Variants in FBN1 observed in about 807,000 individuals in gnomAD.
The protein encoded by FBN1 is fibrillin 1.
In FBN1, 29 loss-of-function variants were observed where a neutral mutation model predicts 365.1. The ratio of observed to expected loss-of-function variants is 0.08; its 90% CI spans 0.06 to 0.11. FBN1 has a LOEUF of 0.11. Among genes scored for constraint, FBN1 ranks in the 10% least tolerant of loss-of-function variants. The probability of loss-of-function intolerance (pLI) is 1.00; values close to 1 mark genes in which losing one functional copy is unlikely to be tolerated. For synonymous variants in FBN1, 1,210 were observed against 1,270.5 expected (o/e 0.95, Z 1.01); for missense variants, 2,476 against 3,703.2 (o/e 0.67, Z 8.60).
intron 32 of FBN1, among the ~76,000 whole-genome samples, chr15:48,479,196 C>T (rs2043448163): frequency 6.6e-6 from 1 of 152,172 alleles, no homozygotes; most frequent in African/African-American, 2.4e-5. Flanking sequence ...AAACTAAAAG[C>T]AGCTAAAAGA....
intron 60 of FBN1, among the ~76,000 whole-genome samples, chr15:48,422,900 C>G (rs2042954027): frequency 6.6e-6 from 1 of 152,080 alleles, no homozygotes; most frequent in African/African-American, 2.4e-5. Context: ...GCACTCCAGC[C>G]TGGGCAACAG....
Position 48,494,939 on chromosome 15 carries a change from T to C in FBN1, c.2677+184A>G, listed in dbSNP as rs527471580. On this transcript the variant is annotated intron_variant, in intron 22 of 65. Transcript: ENST00000316623. ...ATTACAATGTGAAGATAGAAAATAA[T>C]AAATGAACAAAATCACATAAAATTT... 5.3e-5 allele frequency among the ~76,000 whole-genome samples: 8 copies of C among 152,246 alleles called. 1 individual carries two copies. In the South Asian group the frequency reaches 1.7e-3, roughly 32 times the overall value.
rs372098135 is a variant in FBN1, at chr15:48,510,854, G to C, written c.1589-685C>G. Among the ~76,000 whole-genome samples, 23 of 152,262 alleles carry C rather than the reference G, an allele frequency of 1.5e-4. 1 individual carries two copies. The highest frequency in any genetic ancestry group is 5.5e-4 in the African/African-American group (23 of 41,546). Reference sequence around the variant, plus strand: ...AAAATAACAATAACTGAAACAACCTGTATCTGATTTCTCCCTTAAATATTA... The same window carrying C: ...AAAATAACAATAACTGAAACAACCTCTATCTGATTTCTCCCTTAAATATTA... On this transcript the variant is annotated intron_variant, in intron 13 of 65. Coordinates refer to ENST00000316623, the MANE Select transcript of FBN1 (RefSeq NM_000138.5).
At chr15:48,629,122 G>A (rs1889938713) in intron 2 of FBN1, among the ~76,000 whole-genome samples, 1 of 152,210 alleles carries the variant, frequency 6.6e-6, no homozygotes, top group Non-Finnish European at 1.5e-5. Context: ...TTGAGATAAG[G>A]AGTTTAAGCT....
intron 4 of FBN1, among the ~76,000 whole-genome samples, chr15:48,610,132 C>G (rs537393794): frequency 2.0e-5 from 3 of 152,034 alleles, no homozygotes; most frequent in Non-Finnish European, 4.4e-5. Flanking sequence ...CTTGCCCAAA[C>G]CCCCAAAAGA....
intron 64 of FBN1, 40 bp downstream of exon 64, chr15:48,415,496 G>GA (rs777584324): frequency 6.9e-7 from 1 of 1,444,684 alleles, no homozygotes; most frequent in African/African-American, 1.4e-5. Context: ...TATTACGAAT[G>GA]AAAGAATCTC....
chr15:48,460,746 A>C (rs566069750), intron 42 of FBN1, among the ~76,000 whole-genome samples: 1 of 152,334 alleles, frequency 6.6e-6, no homozygotes, highest in East Asian at 1.9e-4. Flanking sequence ...AAATCTAGCC[A>C]CATTCTTGAC....
intron 6 of FBN1, among the ~76,000 whole-genome samples, chr15:48,578,706 G>A (rs560697002): frequency 9.3e-5 from 14 of 150,994 alleles, no homozygotes; most frequent in Admixed American, 8.6e-4. Context: ...GTCCTTTGTA[G>A]GGACATGGAT....
At chr15:48,537,858 A>AT in intron 6 of FBN1, 50 bp from the exon 7 acceptor site, 1 of 1,580,126 alleles carries the variant, frequency 6.3e-7, no homozygotes. Context: ...AGCAGGAACC[A>AT]TCATGCAGAG....
chr15:48,622,175 T>C (rs1889782184), intron 2 of FBN1, among the ~76,000 whole-genome samples: 1 of 152,224 alleles, frequency 6.6e-6, no homozygotes, highest in African/African-American at 2.4e-5. Context: ...ATAATAATCC[T>C]GTCCCAATGC....
chr15:48,462,575 T>A (rs2043287460), intron 42 of FBN1, among the ~76,000 whole-genome samples: 1 of 150,952 alleles, frequency 6.6e-6, no homozygotes, highest in Non-Finnish European at 1.5e-5. Flanking sequence ...GTGTGTAGAA[T>A]TCCCGGCTTG....
rs1890259213 is a variant in FBN1, at chr15:48,644,639, C to T, written c.131G>A (p.Arg44Lys). The T allele has an allele frequency of 3.1e-6, 5 of 1,613,970 alleles. No homozygotes were observed. The highest frequency in any genetic ancestry group is 4.2e-6 in the Non-Finnish European group (5 of 1,180,034). ...CGCGTCGTGTCCTCCACCGCCTCTTCTCTTGGCCCGACTGGCTCTGGTTTC... is the reference window on the plus strand; with the variant it reads ...CGCGTCGTGTCCTCCACCGCCTCTTTTCTTGGCCCGACTGGCTCTGGTTTC... ...VKETRASRAK[R>K]RGGGGHDALK... The change falls in exon 2 of 66, where the codon AGA becomes AAA. Residue 44 changes from arginine to lysine, a missense_variant. Arg to Lys is a conservative substitution (Grantham distance 26, BLOSUM62 2). Around this residue, in one of 5 missense-constraint regions of FBN1, gnomAD observed 76 missense variants for 85.4 expected, o/e 0.89. Transcript: ENST00000316623.
intron 13 of FBN1, among the ~76,000 whole-genome samples, chr15:48,512,812 T>G (rs2043771580): frequency 6.6e-6 from 1 of 152,294 alleles, no homozygotes; most frequent in Non-Finnish European, 1.5e-5. Flanking sequence ...GTTCATTTTG[T>G]GCTTAATTTA....
chr15:48,578,671 C>T (rs140171235), intron 6 of FBN1, among the ~76,000 whole-genome samples: 1,009 of 135,202 alleles, frequency 7.5e-3, no homozygotes, highest in Middle Eastern at 0.011. Context: ...GAATACTATG[C>T]AGCCATAAAA....
chr15:48,574,329 G>A (rs1051082300), intron 6 of FBN1, among the ~76,000 whole-genome samples: 3 of 152,180 alleles, frequency 2.0e-5, no homozygotes, highest in African/African-American at 7.2e-5. Flanking sequence ...TGACAAATCA[G>A]TAAGAATGTC....
At chr15:48,463,325 A>C (rs1164890647) in intron 41 of FBN1, 85 bp from the exon 42 acceptor site, 1 of 1,292,484 alleles carries the variant, frequency 7.7e-7, no homozygotes. Flanking sequence ...ATACTCAACA[A>C]GCAAGTTTCA....
intron 14 of FBN1, 54 bp downstream of exon 14, chr15:48,509,990 T>C: frequency 6.3e-7 from 1 of 1,592,102 alleles, no homozygotes; most frequent in Admixed American, 1.7e-5. Context: ...TAAAGACCCC[T>C]GATATTGAAA....
Position 48,474,265 on chromosome 15 carries a change from G to C in FBN1, c.4200C>G (p.Phe1400Leu). The change falls in exon 34 of 66, where the codon TTC becomes TTG. Residue 1400 changes from phenylalanine to leucine, a missense_variant. Coordinates refer to ENST00000316623, the MANE Select transcript of FBN1 (RefSeq NM_000138.5). ...LCKEGYTGDG[F>L]TCTDLDECSE... ...CCAGCGTGAACATACCTGTACAAGT[G>C]AAGCCATCACCTGTGTATCCTTCCT... is the stretch of plus-strand genomic sequence containing the variant. The C allele has an allele frequency of 6.2e-7, 1 of 1,614,090 alleles. No individual in the cohort carries two copies. The highest frequency in any genetic ancestry group is 8.5e-7 in the Non-Finnish European group (1 of 1,179,990).
At chr15:48,492,279 C>T (rs2043566569) in intron 24 of FBN1, among the ~76,000 whole-genome samples, 182 bp downstream of exon 24, 2 of 152,210 alleles carry the variant, frequency 1.3e-5, no homozygotes, top group African/African-American at 4.8e-5. Flanking sequence ...TCAACAGAAA[C>T]TACAGTTGCT....
Sources: gnomAD v4.1 joint callset for allele counts (sites outside exome capture counted in the v4.1 genomes callset) on GRCh38, gnomAD v4.1.1 for gene constraint, gnomAD v4.1.1 regional missense constraint, MANE v1.5 for transcripts, NCBI Gene and HGNC (gene_info 2026-07-23, HGNC 2026-07-21) for gene names.